The following SOX5 variants were observed in gnomAD, a reference collection of about 807,000 sequenced individuals.
SOX5 encodes the protein transcription factor SOX-5.
Under a neutral mutation model 92.0 loss-of-function variants are expected in SOX5, and 9 were observed. The ratio of observed to expected loss-of-function variants is 0.10; its 90% confidence interval spans 0.06 to 0.17. The LOEUF (loss-of-function observed/expected upper bound fraction) is 0.17, where lower values mean the gene tolerates loss of function less well. Among genes scored for constraint, SOX5 ranks in the 10% least tolerant of loss-of-function variants. The pLI, the probability that SOX5 is intolerant of heterozygous loss-of-function variation, is 1.00. For synonymous variants in SOX5, 344 were observed against 336.3 expected, an observed-to-expected ratio of 1.02 and a Z score of -0.25; for missense variants, 642 against 944.5, an observed-to-expected ratio of 0.68 and a Z score of 4.20.
At chr12:24,082,404 GAAAAAAA>G (rs58736325) in intron 4 of SOX5, among the ~76,000 whole-genome samples, 3 of 73,386 alleles carry the variant, frequency 4.1e-5, no homozygotes, top group African/African-American at 5.5e-5. Flanking sequence ...CTTTCGAAAA[GAAAAAAA>G]AAAAAAAAAA....
intron 4 of SOX5, among the ~76,000 whole-genome samples, chr12:24,047,027 C>G (rs916069411): frequency 3.6e-5 from 5 of 138,442 alleles, no homozygotes; most frequent in African/African-American, 1.3e-4. Context: ...CATCTCCAAC[C>G]TATTCAAAAT....
chr12:24,382,100 G>T (rs143636692), intron 1 of SOX5, among the ~76,000 whole-genome samples: 77 of 152,166 alleles, frequency 5.1e-4, no homozygotes, highest in African/African-American at 1.8e-3. Context: ...ATATTCTTAG[G>T]GAGATCAAAA....
rs115410595 is a variant in SOX5 at position 23,769,676 on chromosome 12, G to A, written c.482-13952C>T. ...AGATATATGTTGAATTGTATCTTCT[G>A]GGGTTAATAGGGGCCGGTCTACAAC... On this transcript the variant is annotated intron_variant, in intron 3 of 14. Transcript: ENST00000451604. Among the ~76,000 whole-genome samples, 821 of 152,256 alleles carry A rather than the reference G, an allele frequency of 5.4e-3. 8 individuals are homozygous for A. Among genetic ancestry groups the A allele is most frequent in the African/African-American group, 0.019 (798 of 41,558 alleles).
chr12:23,831,803 A>C (rs2096327188), intron 3 of SOX5, among the ~76,000 whole-genome samples: 2 of 152,036 alleles, frequency 1.3e-5, no homozygotes, highest in African/African-American at 4.8e-5. Flanking sequence ...TAGAAACAAA[A>C]ATTTCACAAA....
chr12:24,310,159 G>T (rs1264960886), intron 2 of SOX5, among the ~76,000 whole-genome samples: 1 of 152,130 alleles, frequency 6.6e-6, no homozygotes, highest in African/African-American at 2.4e-5. Flanking sequence ...TTTACTAAAT[G>T]TATTTATAGC....
At chr12:24,214,321 G>A (rs2139712358) in intron 3 of SOX5, among the ~76,000 whole-genome samples, 1 of 152,140 alleles carries the variant, frequency 6.6e-6, no homozygotes, top group Admixed American at 6.5e-5. Flanking sequence ...ATTGATTTCT[G>A]GGAATGTTTT....
At chr12:24,027,357 T>C (rs546747449) in intron 4 of SOX5, among the ~76,000 whole-genome samples, 1 of 152,168 alleles carries the variant, frequency 6.6e-6, no homozygotes, top group African/African-American at 2.4e-5. Flanking sequence ...TTCATTTGGA[T>C]GGTTTGCAGG....
rs139076850 is a variant in SOX5, at chr12:24,329,147, A to G, written c.-174+39416T>C. ...TAATGTTACTTTAGTTCACTACAAC[A>G]AAAGAGGTTTCCCATCTTTTTATTA... On this transcript the variant is annotated intron_variant, in intron 2 of 4. Coordinates refer to the SOX5 transcript ENST00000446891. Among the ~76,000 whole-genome samples the G allele has an allele frequency of 3.7e-3, 564 of 152,334 alleles. 9 individuals carry two copies. The highest frequency in any genetic ancestry group is 0.035 in the Admixed American group (528 of 15,300).
intron 4 of SOX5, among the ~76,000 whole-genome samples, chr12:24,074,815 C>T (rs1019186632): frequency 3.3e-5 from 5 of 151,998 alleles, no homozygotes; most frequent in African/African-American, 9.7e-5. Context: ...ACTCAGAAAT[C>T]TTAACAATGA....
intron 4 of SOX5, among the ~76,000 whole-genome samples, chr12:23,986,892 A>G (rs1950112122): frequency 6.6e-6 from 1 of 152,194 alleles, no homozygotes; most frequent in Non-Finnish European, 1.5e-5. Flanking sequence ...GAAAAAGCTT[A>G]AAATTCTACT....
chr12:24,391,485 C>G (rs1000841389), intron 1 of SOX5, among the ~76,000 whole-genome samples: 1 of 152,064 alleles, frequency 6.6e-6, no homozygotes, highest in Non-Finnish European at 1.5e-5. Flanking sequence ...AGAGGATAAC[C>G]CAATGAATAA....
intron 1 of SOX5, among the ~76,000 whole-genome samples, chr12:24,493,457 T>C (rs1374374244): frequency 6.6e-6 from 1 of 152,208 alleles, no homozygotes; most frequent in Non-Finnish European, 1.5e-5. Context: ...AATTGTAATG[T>C]AATTCATGTA....
chr12:23,675,835 A>G (rs570361435), intron 6 of SOX5, among the ~76,000 whole-genome samples: 1 of 152,212 alleles, frequency 6.6e-6, no homozygotes, highest in Admixed American at 6.5e-5. Flanking sequence ...ACAAAAATCA[A>G]CAAAGGACCT....
intron 1 of SOX5, among the ~76,000 whole-genome samples, chr12:24,493,315 T>C (rs1420182363): frequency 1.3e-5 from 2 of 152,084 alleles, no homozygotes; most frequent in African/African-American, 4.8e-5. Flanking sequence ...CTGAGAAACC[T>C]AGGAGATATG....
At chr12:23,772,007 G>A (rs752928355) in intron 3 of SOX5, among the ~76,000 whole-genome samples, 4 of 152,056 alleles carry the variant, frequency 2.6e-5, no homozygotes, top group Non-Finnish European at 5.9e-5. Context: ...CAAAATGGAC[G>A]TCTCTCTCAA....
intron 2 of SOX5, among the ~76,000 whole-genome samples, chr12:23,889,159 T>C: frequency 6.6e-6 from 1 of 152,158 alleles, no homozygotes; most frequent in East Asian, 1.9e-4. Context: ...CCCTAAACAA[T>C]GAAATTCTCA....
At chr12:23,611,966 TTTC>T (rs2076017819) in intron 8 of SOX5, among the ~76,000 whole-genome samples, 1 of 152,038 alleles carries the variant, frequency 6.6e-6, no homozygotes, top group South Asian at 2.1e-4. Flanking sequence ...GAAATATGTC[TTTC>T]TTAAGTACTG....
chr12:24,286,427 C>T (rs937809020), intron 2 of SOX5, among the ~76,000 whole-genome samples: 1 of 152,138 alleles, frequency 6.6e-6, no homozygotes, highest in Non-Finnish European at 1.5e-5. Flanking sequence ...AATTCAAGAG[C>T]TTGGGAGGGC....
chr12:23,981,799 C>T (rs545702633), intron 4 of SOX5, among the ~76,000 whole-genome samples: 3 of 152,150 alleles, frequency 2.0e-5, no homozygotes, highest in African/African-American at 7.2e-5. Context: ...CTTCTAAATT[C>T]TCAATATCCA....
Sources: gnomAD v4.1 joint callset for allele counts (sites outside exome capture counted in the v4.1 genomes callset) on GRCh38, gnomAD v4.1.1 for gene constraint, MANE v1.5 for transcripts, NCBI Gene and HGNC (gene_info 2026-07-23, HGNC 2026-07-21) for gene names.